THSD7A: variants seen among roughly 807,000 people sequenced by gnomAD.
THSD7A encodes the protein thrombospondin type-1 domain-containing protein 7A.
In THSD7A, 96 loss-of-function variants were observed where a neutral mutation model predicts 231.3. That is an observed-to-expected ratio of 0.41 (90% CI 0.35 to 0.49). The LOEUF is 0.49. THSD7A is among the 20% of genes least tolerant of loss of function. The pLI is 0.05. For missense variants in THSD7A, 2,290 were observed against 2,070.2 expected (o/e 1.11, Z -2.06); for synonymous variants, 940 against 743.3 (o/e 1.26, Z -4.30).
intron 1 of THSD7A, among the ~76,000 whole-genome samples, chr7:11,662,333 A>G (rs891029260): frequency 5.3e-5 from 8 of 151,316 alleles, no homozygotes; most frequent in African/African-American, 1.9e-4. Flanking sequence ...AAAATTGATA[A>G]AAGTATCAGT....
At chr7:11,376,372 C>T (rs1583628584) in intron 27 of THSD7A, among the ~76,000 whole-genome samples, 198 bp downstream of exon 27, 1 of 152,150 alleles carries the variant, frequency 6.6e-6, no homozygotes, top group East Asian at 1.9e-4. Context: ...AGATGACCTG[C>T]AGCAAGCTCT....
intron 24 of THSD7A, among the ~76,000 whole-genome samples, chr7:11,380,708 T>C (rs1318310970): frequency 6.6e-6 from 1 of 152,174 alleles, no homozygotes; most frequent in East Asian, 1.9e-4. Flanking sequence ...TTGATCAAGA[T>C]AGGTAATATA....
intron 2 of THSD7A, among the ~76,000 whole-genome samples, chr7:11,635,653 T>C (rs17164960): frequency 7.9e-5 from 12 of 152,014 alleles, no homozygotes; most frequent in Non-Finnish European, 1.6e-4. Context: ...TGCAAGAAAA[T>C]TATTCTTAGG....
At chr7:11,696,110 C>A (rs1482765200) in intron 1 of THSD7A, among the ~76,000 whole-genome samples, 2 of 151,368 alleles carry the variant, frequency 1.3e-5, no homozygotes, top group African/African-American at 4.8e-5. Flanking sequence ...CACAGTAAAA[C>A]CTGGTTTGGT....
chr7:11,704,386 T>C (rs1268938011), intron 1 of THSD7A, among the ~76,000 whole-genome samples: 1 of 151,016 alleles, frequency 6.6e-6, no homozygotes, highest in African/African-American at 2.4e-5. Flanking sequence ...TAATGTTTTC[T>C]TCCTGAGTCA....
At position 11,814,090 on chromosome 7, in the gene THSD7A, C is replaced by G. The variant is rs916231740; in HGVS notation, c.190+17667G>C. Among the ~76,000 whole-genome samples the G allele has an allele frequency of 2.6e-5, 4 of 152,150 alleles. No individual in the cohort carries two copies. The highest frequency in any genetic ancestry group is 9.7e-5 in the African/African-American group (4 of 41,438). On this transcript the variant is annotated intron_variant, in intron 1 of 27. Transcript: ENST00000423059. This position sits in a 1 kb window ranked among gnomAD's most constrained non-coding sequence, Gnocchi z 5.1. The stretch of plus-strand genomic sequence containing the variant: ...ATGCCATTCATATGAAAGGTCCAGA[C>G]TAGGCGAATAGAGAAAAAGTAGATT...
At chr7:11,567,424 T>G (rs1207551889) in intron 4 of THSD7A, among the ~76,000 whole-genome samples, 1 of 152,128 alleles carries the variant, frequency 6.6e-6, no homozygotes, top group Non-Finnish European at 1.5e-5. Context: ...TTCCTTCATA[T>G]ATGGAGATTA....
At chr7:11,584,925 G>A (rs1227483833) in intron 4 of THSD7A, among the ~76,000 whole-genome samples, 1 of 152,158 alleles carries the variant, frequency 6.6e-6, no homozygotes, top group Non-Finnish European at 1.5e-5. Flanking sequence ...GGAAGTGGGG[G>A]TGGATATTTG....
At chr7:11,547,803 C>G (rs1789460748) in intron 4 of THSD7A, among the ~76,000 whole-genome samples, 1 of 152,088 alleles carries the variant, frequency 6.6e-6, no homozygotes, top group Non-Finnish European at 1.5e-5. Context: ...TAAAGAAATT[C>G]TTTGAAATTA....
intron 1 of THSD7A, among the ~76,000 whole-genome samples, chr7:11,798,682 T>C (rs142274384): frequency 2.2e-4 from 34 of 152,226 alleles, no homozygotes; most frequent in African/African-American, 8.2e-4. Flanking sequence ...CATACTTTTA[T>C]GCTGTTAATT....
intron 22 of THSD7A, among the ~76,000 whole-genome samples, chr7:11,404,748 T>G (rs1047745713): frequency 2.0e-5 from 3 of 152,162 alleles, no homozygotes; most frequent in Admixed American, 6.5e-5. Context: ...TTTTACTTTA[T>G]TTTTAAATTT....
Position 11,382,910 on chromosome 7 carries a change from G to GTA in THSD7A, c.4412-296_4412-295dup, listed in dbSNP as rs576363787. On this transcript the variant is annotated intron_variant, in intron 23 of 27. Transcript: ENST00000423059. Reference sequence around the variant, plus strand: ...ATGCAGCCAGGTATAGAGAATAACTGTATATATATATAGTTATATATATAT... The same window carrying GTA: ...ATGCAGCCAGGTATAGAGAATAACTGTATATATATATATAGTTATATATATAT... Among the ~76,000 whole-genome samples, 111 of 147,064 alleles carry GTA rather than the reference G, an allele frequency of 7.5e-4. 1 individual carries two copies. The South Asian group carries it at 0.011, about 15-fold the overall frequency.
At position 11,656,943 on chromosome 7, in the gene THSD7A, TTTGA is replaced by T. The variant is rs1287843565; in HGVS notation, c.191-19986_191-19983del. On this transcript the variant is annotated intron_variant, in intron 1 of 27. Transcript: ENST00000423059. ...GTATGATGAAGAGAAAAAGATTAAC[TTTGA>T]TTGTTCACAGCAAATTCTGAAGTAA... Among the ~76,000 whole-genome samples the T allele has an allele frequency of 4.6e-5, 7 of 152,004 alleles. No individual in the cohort carries two copies. The South Asian group carries it at 1.2e-3, about 27-fold the overall frequency.
At chr7:11,542,407 A>G (rs1789190759) in intron 5 of THSD7A, among the ~76,000 whole-genome samples, 1 of 152,250 alleles carries the variant, frequency 6.6e-6, no homozygotes, top group Non-Finnish European at 1.5e-5. Flanking sequence ...CACGTCTACC[A>G]TAAGAAAACC....
chr7:11,462,914 A>G (rs1206825665), intron 9 of THSD7A, among the ~76,000 whole-genome samples: 2 of 152,218 alleles, frequency 1.3e-5, no homozygotes, highest in Non-Finnish European at 2.9e-5. Context: ...CAGATCATGT[A>G]GCGTATAAAA....
intron 1 of THSD7A, among the ~76,000 whole-genome samples, chr7:11,754,815 A>G (rs1377777285): frequency 6.6e-6 from 1 of 152,080 alleles, no homozygotes; most frequent in Non-Finnish European, 1.5e-5. Context: ...TATGTTGAGT[A>G]AAAAATGTTT....
Position 11,636,800 on chromosome 7 carries a change from G to A in THSD7A, c.352C>T (p.His118Tyr), listed in dbSNP as rs375042730. Residue 118 changes from histidine (H) to tyrosine (Y), a missense_variant, in exon 2 of 28, where the codon CAC (histidine) becomes TAC (tyrosine). Physicochemically the swap from His to Tyr is moderately conservative, Grantham distance 83 (BLOSUM62 2). Transcript: ENST00000423059. The surrounding 1 kb of genome is among the most constrained non-coding windows in gnomAD (Gnocchi z 10.0). The part of the protein sequence containing the change: ...QQNCFKVCDW[H>Y]KELYDWRLGP... ...AGTCTCCAGTCGTACAACTCTTTGTGCCAATCGCAAACTTTGAAACAATTC... is the reference window on the plus strand; with the variant it reads ...AGTCTCCAGTCGTACAACTCTTTGTACCAATCGCAAACTTTGAAACAATTC... The A allele has an allele frequency of 1.4e-5, 22 of 1,613,954 alleles. No individual in the cohort carries two copies. Among genetic ancestry groups the A allele is most frequent in the Admixed American group, 1.0e-4 (6 of 60,020 alleles).
chr7:11,756,019 A>G (rs1782663011), intron 1 of THSD7A, among the ~76,000 whole-genome samples: 3 of 152,056 alleles, frequency 2.0e-5, no homozygotes, highest in Non-Finnish European at 4.4e-5. Context: ...CTAAAAATCT[A>G]CTTAATGATA....
At chr7:11,468,913 G>C (rs1300081840) in intron 9 of THSD7A, among the ~76,000 whole-genome samples, 1 of 151,880 alleles carries the variant, frequency 6.6e-6, no homozygotes, top group African/African-American at 2.4e-5. Flanking sequence ...GATATTTCAA[G>C]GGTATTAAAT....
Sources: allele counts gnomAD v4.1 joint callset (sites outside exome capture counted in the v4.1 genomes callset), GRCh38; gene constraint gnomAD v4.1.1; non-coding constraint Gnocchi (gnomAD v3.1); transcripts MANE v1.5; gene names NCBI Gene and HGNC (gene_info 2026-07-23, HGNC 2026-07-21).